The following NAV3 variants were observed in gnomAD, a reference collection of about 807,000 sequenced individuals.
NAV3 encodes pore membrane and/or filament interacting like protein 1.
A neutral mutation model predicts 244.7 loss-of-function variants in NAV3; 87 were observed. The ratio of observed to expected loss-of-function variants is 0.36; its 90% CI spans 0.30 to 0.42. The LOEUF is 0.42. Ranked by LOEUF, NAV3 falls within the 20% of genes least tolerant of loss-of-function variation. The pLI, the probability that NAV3 is intolerant of heterozygous loss-of-function variation, is 1.00. For synonymous variants in NAV3, 1,126 were observed against 1,042.2 expected (o/e 1.08, Z -1.55); for missense variants, 2,663 against 2,893.3 (o/e 0.92, Z 1.83).
At chr12:77,727,530 A>G (rs1876931258) in intron 2 of NAV3, among the ~76,000 whole-genome samples, 1 of 151,952 alleles carries the variant, frequency 6.6e-6, no homozygotes, top group Non-Finnish European at 1.5e-5. Context: ...ATGAAACGTA[A>G]GTGAAAAACA....
intron 12 of NAV3, among the ~76,000 whole-genome samples, chr12:78,074,530 C>G (rs1169746712): frequency 6.6e-6 from 1 of 152,078 alleles, no homozygotes; most frequent in Non-Finnish European, 1.5e-5. Context: ...TGGTGAAACC[C>G]CCATCTCTAC....
chr12:77,971,616 A>T (rs562251818), intron 5 of NAV3, among the ~76,000 whole-genome samples: 1 of 152,126 alleles, frequency 6.6e-6, no homozygotes, highest in Non-Finnish European at 1.5e-5. Flanking sequence ...ATGGGTTAGA[A>T]CCAAGATAAT....
At chr12:77,854,466 C>T (rs1878040112) in intron 1 of NAV3, among the ~76,000 whole-genome samples, 1 of 152,086 alleles carries the variant, frequency 6.6e-6, no homozygotes, top group Non-Finnish European at 1.5e-5. Flanking sequence ...TCATTAGAAA[C>T]CTTGTTTTCC....
intron 2 of NAV3, among the ~76,000 whole-genome samples, chr12:77,790,666 G>T (rs528830622): frequency 5.3e-5 from 8 of 152,242 alleles, no homozygotes; most frequent in Non-Finnish European, 1.2e-4. Flanking sequence ...AGGCTTGCTA[G>T]ACTTTCAGAC....
chr12:77,653,689 A>T (rs1009370965), intron 2 of NAV3, among the ~76,000 whole-genome samples: 3 of 152,186 alleles, frequency 2.0e-5, no homozygotes, highest in Non-Finnish European at 4.4e-5. Flanking sequence ...TTTCCAGAAG[A>T]TGCTATATTG....
chr12:78,183,028 C>T (rs1489524268), intron 30 of NAV3, among the ~76,000 whole-genome samples: 1 of 151,850 alleles, frequency 6.6e-6, no homozygotes, highest in Admixed American at 6.6e-5. Flanking sequence ...TTCCTTGCAT[C>T]CAGTAAAGAC....
intron 12 of NAV3, among the ~76,000 whole-genome samples, chr12:78,093,452 G>T (rs751171024): frequency 1.3e-5 from 2 of 152,150 alleles, no homozygotes. Context: ...TTGATCTCTG[G>T]TTAGGAAATC....
intron 2 of NAV3, chr12:77,783,344 C>CT (rs1169942539): frequency 1.3e-5 from 2 of 152,060 alleles, no homozygotes; most frequent in African/African-American, 4.8e-5. Flanking sequence ...TTGGTGGCCT[C>CT]TGATTGCCAG....
intron 23 of NAV3, among the ~76,000 whole-genome samples, chr12:78,164,889 C>T (rs534491963): frequency 6.6e-6 from 1 of 151,974 alleles, no homozygotes; most frequent in Non-Finnish European, 1.5e-5. Context: ...TTGTCCCAAG[C>T]TTTGGGATTC....
chr12:77,847,127 A>G (rs1021805917), intron 1 of NAV3, among the ~76,000 whole-genome samples: 1 of 152,188 alleles, frequency 6.6e-6, no homozygotes, highest in Non-Finnish European at 1.5e-5. Flanking sequence ...TCTGTAAGAC[A>G]GACAGGATGT....
chr12:77,846,860 T>C (rs17804317), intron 1 of NAV3, among the ~76,000 whole-genome samples: 13,149 of 152,230 alleles, frequency 0.086, 785 homozygotes, highest in Non-Finnish European at 0.13. Context: ...CATCCCTTTT[T>C]CCTACCATTT....
At chr12:77,808,954 C>CGG (rs1204726000) in intron 2 of NAV3, among the ~76,000 whole-genome samples, 1 of 152,180 alleles carries the variant, frequency 6.6e-6, no homozygotes, top group African/African-American at 2.4e-5. Context: ...TCGAATTTTC[C>CGG]GGTGGCTTTT....
At chr12:77,816,073 A>G (rs1232283540) in intron 2 of NAV3, among the ~76,000 whole-genome samples, 1 of 152,126 alleles carries the variant, frequency 6.6e-6, no homozygotes, top group Non-Finnish European at 1.5e-5. Context: ...GCCTGATGGG[A>G]AAAAAATTAA....
intron 34 of NAV3, among the ~76,000 whole-genome samples, chr12:78,195,585 C>G (rs1202853126): frequency 6.6e-6 from 1 of 152,006 alleles, no homozygotes; most frequent in East Asian, 1.9e-4. Context: ...CTGGTGCCAG[C>G]AGGATGTGCC....
chr12:78,188,854 C>A (rs2139860061), intron 33 of NAV3, 77 bp downstream of exon 33: 2 of 1,375,362 alleles, frequency 1.5e-6, no homozygotes, highest in Non-Finnish European at 2.0e-6. Context: ...CCCTTTTTGG[C>A]CAGTTTCCCT....
In NAV3 at chr12:77,836,256, G is replaced by C. The variant is rs552320106; in HGVS notation, c.243+4552G>C. Among the ~76,000 whole-genome samples the C allele has an allele frequency of 1.4e-3, 220 of 152,272 alleles. 1 individual carries two copies. Among genetic ancestry groups the C allele is most frequent in the African/African-American group, 5.1e-3 (213 of 41,556 alleles). On this transcript the variant is annotated intron_variant, in intron 1 of 39. Transcript: ENST00000397909. The stretch of plus-strand genomic sequence containing the variant: ...GCATTAAACATCCCTGTTCATGAAA[G>C]TTTCTTGGCCATACTTACTGTGGAG...
At chr12:77,761,825 T>C (rs1869482799) in intron 2 of NAV3, among the ~76,000 whole-genome samples, 1 of 152,148 alleles carries the variant, frequency 6.6e-6, no homozygotes, top group African/African-American at 2.4e-5. Flanking sequence ...TTACACTGTT[T>C]GTAGGAGTGT....
chr12:77,853,567 A>C (rs1014481631), intron 1 of NAV3, among the ~76,000 whole-genome samples: 4 of 152,210 alleles, frequency 2.6e-5, no homozygotes, highest in African/African-American at 9.6e-5. Context: ...AAAAAGCACT[A>C]TTTGAGATGA....
intron 2 of NAV3, among the ~76,000 whole-genome samples, chr12:77,810,422 C>T (rs1017140294): frequency 7.9e-5 from 12 of 152,132 alleles, no homozygotes; most frequent in Non-Finnish European, 1.5e-4. Flanking sequence ...CCGCCCACCT[C>T]GGCCTCCCAA....
Sources: allele counts gnomAD v4.1 joint callset (sites outside exome capture counted in the v4.1 genomes callset), GRCh38; gene constraint gnomAD v4.1.1; transcripts MANE v1.5; gene names NCBI Gene and HGNC (gene_info 2026-07-23, HGNC 2026-07-21).